The following KCNH8 variants were observed in gnomAD, a reference collection of about 807,000 sequenced individuals.
KCNH8 encodes potassium voltage-gated channel subfamily H member 8, also known as voltage-gated delayed rectifier potassium channel KCNH8.
Under a neutral mutation model 103.6 loss-of-function variants are expected in KCNH8, and 70 were observed. That is an observed-to-expected ratio of 0.68 (90% CI 0.56 to 0.82). The LOEUF (loss-of-function observed/expected upper bound fraction) is 0.82, where lower values mean the gene tolerates loss of function less well. Among genes scored for constraint, KCNH8 ranks in the 40% least tolerant of loss-of-function variants. KCNH8 has a pLI of 0.00. For synonymous variants in KCNH8, 498 were observed against 489.4 expected, an observed-to-expected ratio of 1.02 and a Z score of -0.23; for missense variants, 1,217 against 1,329.9, an observed-to-expected ratio of 0.92 and a Z score of 1.32.
At chr3:19,448,512 A>G (rs974567044) in intron 8 of KCNH8, among the ~76,000 whole-genome samples, 2 of 152,046 alleles carry the variant, frequency 1.3e-5, no homozygotes, top group African/African-American at 4.8e-5. Context: ...TTTAATTCCA[A>G]TGTAAGATTA....
intron 3 of KCNH8, among the ~76,000 whole-genome samples, chr3:19,283,463 T>C (rs1410357728): frequency 6.6e-6 from 1 of 152,158 alleles, no homozygotes; most frequent in Non-Finnish European, 1.5e-5. Context: ...TTTTTTGAAA[T>C]ATTTGCTAGT....
At chr3:19,407,226 G>A (rs937508198) in intron 7 of KCNH8, among the ~76,000 whole-genome samples, 7 of 152,146 alleles carry the variant, frequency 4.6e-5, no homozygotes, top group African/African-American at 1.7e-4. Context: ...AAAATAAGGT[G>A]TGATATTAAT....
At chr3:19,288,449 C>T (rs1229996978) in intron 3 of KCNH8, among the ~76,000 whole-genome samples, 4 of 150,748 alleles carry the variant, frequency 2.7e-5, no homozygotes, top group African/African-American at 9.8e-5. Context: ...TCTCATTGTT[C>T]AATTCCCACC....
At chr3:19,452,922 T>C (rs2067472185) in intron 10 of KCNH8, among the ~76,000 whole-genome samples, 1 of 152,206 alleles carries the variant, frequency 6.6e-6, no homozygotes, top group South Asian at 2.1e-4. Flanking sequence ...CACAGCACTA[T>C]TTATGATATC....
At chr3:19,391,057 G>A (rs2066430178) in intron 6 of KCNH8, among the ~76,000 whole-genome samples, 1 of 151,444 alleles carries the variant, frequency 6.6e-6, no homozygotes, top group African/African-American at 2.4e-5. Context: ...TTAGTATTTT[G>A]TTATTCATTG....
At chr3:19,463,359 T>A (rs542882035) in intron 11 of KCNH8, among the ~76,000 whole-genome samples, 18 of 151,852 alleles carry the variant, frequency 1.2e-4, no homozygotes, top group Admixed American at 6.6e-4. Flanking sequence ...ATGCATAAAG[T>A]TAATAGAGGA....
intron 3 of KCNH8, among the ~76,000 whole-genome samples, chr3:19,282,982 C>G (rs1485410977): frequency 6.6e-6 from 1 of 152,262 alleles, no homozygotes; most frequent in East Asian, 1.9e-4. Flanking sequence ...CCCTCAGTCA[C>G]AAAGCAGAGC....
At chr3:19,522,212 A>G (rs1355570664) in intron 15 of KCNH8, among the ~76,000 whole-genome samples, 1 of 151,878 alleles carries the variant, frequency 6.6e-6, no homozygotes, top group Non-Finnish European at 1.5e-5. Flanking sequence ...AACTTGTATT[A>G]ATTGATTATT....
intron 1 of KCNH8, among the ~76,000 whole-genome samples, chr3:19,170,687 T>C (rs1254448269): frequency 7.6e-5 from 11 of 143,924 alleles, no homozygotes; most frequent in Non-Finnish European, 1.6e-4. Flanking sequence ...CACACACATA[T>C]ATACACACAT....
chr3:19,228,037 A>G (rs932774997), intron 1 of KCNH8, among the ~76,000 whole-genome samples: 3 of 152,164 alleles, frequency 2.0e-5, no homozygotes, highest in Admixed American at 1.3e-4. Flanking sequence ...AGAGGAGGCT[A>G]ATTTGTTCAG....
intron 3 of KCNH8, among the ~76,000 whole-genome samples, chr3:19,318,459 T>G (rs904702035): frequency 6.6e-6 from 1 of 151,714 alleles, no homozygotes; most frequent in Non-Finnish European, 1.5e-5. Context: ...CAAAGTCTAT[T>G]GTATCATTCT....
intron 3 of KCNH8, among the ~76,000 whole-genome samples, chr3:19,284,731 G>A (rs2064807118): frequency 6.6e-6 from 1 of 151,780 alleles, no homozygotes; most frequent in South Asian, 2.1e-4. Flanking sequence ...TTAATACGAG[G>A]CCCTGTTTAT....
intron 5 of KCNH8, among the ~76,000 whole-genome samples, chr3:19,349,786 T>G (rs1254343884): frequency 1.3e-5 from 2 of 152,098 alleles, no homozygotes; most frequent in Non-Finnish European, 2.9e-5. Context: ...GGAGACTCAT[T>G]TGCTCCCCTG....
chr3:19,403,444 A>G (rs1372082895), intron 7 of KCNH8, among the ~76,000 whole-genome samples: 1 of 147,638 alleles, frequency 6.8e-6, no homozygotes, highest in Non-Finnish European at 1.5e-5. Context: ...ATCTTTAACT[A>G]TTACCCCCAT....
chr3:19,236,592 C>G (rs1248199702), intron 1 of KCNH8, among the ~76,000 whole-genome samples: 1 of 152,150 alleles, frequency 6.6e-6, no homozygotes, highest in African/African-American at 2.4e-5. Flanking sequence ...CTGTGACACT[C>G]TAACCATTTT....
chr3:19,394,487 AAGAGAG>A (rs35675545), intron 6 of KCNH8, among the ~76,000 whole-genome samples: 4 of 147,746 alleles, frequency 2.7e-5, no homozygotes, highest in South Asian at 2.2e-4. Context: ...GAGAGAGAGA[AAGAGAG>A]AGAGAGAGAG....
At chr3:19,428,645 T>C (rs1277647001) in intron 7 of KCNH8, among the ~76,000 whole-genome samples, 7 of 152,252 alleles carry the variant, frequency 4.6e-5, no homozygotes, top group Admixed American at 4.6e-4. Flanking sequence ...CAACAGCCTA[T>C]GAAGTGAGTT....
intron 4 of KCNH8, among the ~76,000 whole-genome samples, chr3:19,344,790 T>C (rs1271924041): frequency 1.3e-5 from 2 of 152,156 alleles, no homozygotes; most frequent in African/African-American, 4.8e-5. Context: ...TATAGCCCTT[T>C]GCTATTTACA....
chr3:19,426,168 C>T (rs1266640528), intron 7 of KCNH8, among the ~76,000 whole-genome samples: 1 of 152,106 alleles, frequency 6.6e-6, no homozygotes, highest in African/African-American at 2.4e-5. Context: ...CTCCCTTGGT[C>T]CTGCTGGGCT....
Sources: gnomAD v4.1 joint callset for allele counts (sites outside exome capture counted in the v4.1 genomes callset) on GRCh38, gnomAD v4.1.1 for gene constraint, MANE v1.5 for transcripts, NCBI Gene and HGNC (gene_info 2026-07-23, HGNC 2026-07-21) for gene names.